Variants in PTPRT observed in about 807,000 individuals in gnomAD.
PTPRT encodes protein tyrosine phosphatase receptor type T.
Under a neutral mutation model 176.8 loss-of-function variants are expected in PTPRT, and 56 were observed. The observed-to-expected ratio is 0.32, with a 90% CI of 0.26 to 0.40. The LOEUF is 0.40. Among genes scored for constraint, PTPRT ranks in the 10% least tolerant of loss-of-function variants. PTPRT has a pLI of 1.00. For synonymous variants in PTPRT, 783 were observed against 739.0 expected (o/e 1.06, Z -0.96); for missense variants, 1,540 against 1,908.2 (o/e 0.81, Z 3.60).
At position 42,352,222 on chromosome 20, in the gene PTPRT, C is replaced by T. The variant is rs1268037992; in HGVS notation, c.1624G>A (p.Val542Met). The T allele has an allele frequency of 1.2e-6, 2 of 1,614,212 alleles. No homozygotes were observed. The highest frequency in any genetic ancestry group is 3.3e-5 in the Admixed American group (2 of 60,034). ...SADLSSQRGK[V>M]FKLRNETHHL... ...TGGGTTTCATTCCGGAGCTTGAACA[C>T]TTTCCCCCTCTGGCTCGAGAGGTCA... The change falls in exon 10 of 31, where the codon GTG (valine) becomes ATG (methionine). Residue 542 changes from valine (V) to methionine (M), a missense_variant. Physicochemically the swap from Val to Met is conservative, Grantham distance 21. Around this residue, in one of 11 missense-constraint regions of PTPRT, gnomAD observed 136 missense variants for 135.0 expected, o/e 1.01. Transcript: ENST00000373187.
At chr20:42,273,897 C>T (rs1466357721) in intron 13 of PTPRT, among the ~76,000 whole-genome samples, 3 of 152,238 alleles carry the variant, frequency 2.0e-5, no homozygotes, top group Non-Finnish European at 2.9e-5. Context: ...CTCCCCACTC[C>T]ATCCTCTAGG....
chr20:42,881,822 G>A (rs1280151817), intron 2 of PTPRT, among the ~76,000 whole-genome samples: 2 of 151,548 alleles, frequency 1.3e-5, no homozygotes, highest in Non-Finnish European at 2.9e-5. Context: ...ATTCTGGTGA[G>A]AAGGAACAAG....
intron 25 of PTPRT, among the ~76,000 whole-genome samples, chr20:42,103,274 A>G (rs1208593750): frequency 1.3e-5 from 2 of 151,888 alleles, no homozygotes; most frequent in East Asian, 3.9e-4. Context: ...TGGATCTGGT[A>G]TACCTGAGCT....
At chr20:42,206,574 C>G (rs1322752639) in intron 15 of PTPRT, among the ~76,000 whole-genome samples, 2 of 152,174 alleles carry the variant, frequency 1.3e-5, no homozygotes, top group South Asian at 2.1e-4. Flanking sequence ...GCATTTCCGA[C>G]GGGCTTAAAA....
At chr20:42,769,307 G>A (rs2077029281) in intron 5 of PTPRT, among the ~76,000 whole-genome samples, 1 of 152,194 alleles carries the variant, frequency 6.6e-6, no homozygotes, top group Non-Finnish European at 1.5e-5. Flanking sequence ...AAGAAAAGAA[G>A]TGACAACATG....
intron 6 of PTPRT, among the ~76,000 whole-genome samples, chr20:42,735,227 A>G (rs917777878): frequency 6.6e-6 from 1 of 152,148 alleles, no homozygotes; most frequent in Non-Finnish European, 1.5e-5. Flanking sequence ...CTTAACCTCT[A>G]TTGCTTGGTC....
intron 2 of PTPRT, among the ~76,000 whole-genome samples, chr20:42,811,174 C>A (rs892049912): frequency 2.0e-5 from 3 of 151,994 alleles, no homozygotes; most frequent in African/African-American, 4.8e-5. Context: ...TCAAGAAATG[C>A]AAAATACAAA....
intron 8 of PTPRT, among the ~76,000 whole-genome samples, chr20:42,459,865 C>G (rs1037384304): frequency 2.0e-5 from 3 of 149,552 alleles, no homozygotes; most frequent in Non-Finnish European, 4.5e-5. Context: ...AATTCACCTG[C>G]CTTGGCCTCT....
chr20:42,158,865 A>T (rs1258928892), intron 17 of PTPRT, among the ~76,000 whole-genome samples: 1 of 152,206 alleles, frequency 6.6e-6, no homozygotes, highest in Non-Finnish European at 1.5e-5. Context: ...AATAACATGT[A>T]TTGTTTGTTT....
At chr20:42,545,285 C>A (rs1020499883) in intron 7 of PTPRT, among the ~76,000 whole-genome samples, 3 of 152,176 alleles carry the variant, frequency 2.0e-5, no homozygotes, top group Admixed American at 6.5e-5. Context: ...TGAAACAATT[C>A]TCAGTTACCT....
In PTPRT at chr20:43,189,613, G is replaced by A; in HGVS notation, c.88+33C>T. 8.2e-7 allele frequency: 1 copy of A among 1,219,388 alleles called. No homozygotes were observed. The highest frequency in any genetic ancestry group is 1.0e-6 in the Non-Finnish European group (1 of 975,312). 75.5% of individuals were successfully genotyped at this position (1,219,388 alleles called of 1,614,324 possible). A position where few individuals can be genotyped will look rare whatever the true frequency, so the allele number is the denominator to read the frequency against. Reference sequence around the variant, plus strand: ...GCCCGCGCGCATCCAGGAGGGAGCGGGGAGCCCAGGGGAGCCGGGCGGGCG... The same window carrying A: ...GCCCGCGCGCATCCAGGAGGGAGCGAGGAGCCCAGGGGAGCCGGGCGGGCG... On this transcript the variant is annotated intron_variant, in intron 1 of 30. Coordinates refer to ENST00000373187, the MANE Select transcript of PTPRT (RefSeq NM_007050.6). This position sits in a 1 kb window ranked among gnomAD's most constrained non-coding sequence, Gnocchi z 5.0.
At chr20:42,197,523 CAAAT>C (rs1235501542) in intron 16 of PTPRT, among the ~76,000 whole-genome samples, 1 of 148,940 alleles carries the variant, frequency 6.7e-6, no homozygotes, top group Non-Finnish European at 1.5e-5. Context: ...AAATAACAAA[CAAAT>C]AAGCAATAGA....
intron 15 of PTPRT, among the ~76,000 whole-genome samples, chr20:42,209,289 C>G (rs1239799038): frequency 2.0e-5 from 3 of 151,940 alleles, no homozygotes; most frequent in African/African-American, 4.8e-5. Context: ...CAAGAAATAA[C>G]TAAGATCAGA....
chr20:43,111,365 C>T (rs961286506), intron 1 of PTPRT, among the ~76,000 whole-genome samples: 9 of 151,746 alleles, frequency 5.9e-5, no homozygotes, highest in African/African-American at 2.2e-4. Flanking sequence ...AAGTGAAACC[C>T]CGTCTCTGCT....
At chr20:42,836,057 A>C (rs145268563) in intron 2 of PTPRT, among the ~76,000 whole-genome samples, 20 of 152,216 alleles carry the variant, frequency 1.3e-4, no homozygotes, top group African/African-American at 4.8e-4. Flanking sequence ...TCCATTGGTA[A>C]GATGAGGGCT....
intron 15 of PTPRT, among the ~76,000 whole-genome samples, chr20:42,210,494 T>C (rs1188628886): frequency 6.6e-6 from 1 of 152,116 alleles, no homozygotes; most frequent in Non-Finnish European, 1.5e-5. Context: ...AGCATTCTTA[T>C]ACACCAACAG....
intron 9 of PTPRT, among the ~76,000 whole-genome samples, chr20:42,419,182 T>C (rs2059093740): frequency 6.6e-6 from 1 of 152,170 alleles, no homozygotes; most frequent in African/African-American, 2.4e-5. Flanking sequence ...GCCCCTGACT[T>C]TCAGTGTCAG....
chr20:43,060,969 C>G (rs190131401), intron 1 of PTPRT, among the ~76,000 whole-genome samples: 124 of 152,228 alleles, frequency 8.1e-4, no homozygotes, highest in Admixed American at 8.0e-3. Context: ...ACATACTTTA[C>G]AGTATTTAAA....
intron 7 of PTPRT, among the ~76,000 whole-genome samples, chr20:42,614,173 C>T (rs939540456): frequency 6.6e-6 from 1 of 152,104 alleles, no homozygotes; most frequent in African/African-American, 2.4e-5. Flanking sequence ...GCAGAAGCAT[C>T]ACCCTGATCT....
Sources: allele counts gnomAD v4.1 joint callset (sites outside exome capture counted in the v4.1 genomes callset), GRCh38; gene constraint gnomAD v4.1.1; regional missense constraint gnomAD v4.1.1; non-coding constraint Gnocchi (gnomAD v3.1); transcripts MANE v1.5; gene names NCBI Gene and HGNC (gene_info 2026-07-23, HGNC 2026-07-21).